Variants in FGF12 observed in about 807,000 individuals in gnomAD.
The protein encoded by FGF12 is fibroblast growth factor 12B.
Under a neutral mutation model 23.6 loss-of-function variants are expected in FGF12, and 14 were observed. The ratio of observed to expected loss-of-function variants is 0.59; its 90% confidence interval spans 0.39 to 0.93. The LOEUF is 0.93. FGF12 is among the 40% of genes least tolerant of loss of function. FGF12 has a pLI of 0.00. For missense variants in FGF12, 175 were observed against 217.8 expected (o/e 0.80, Z 1.24); for synonymous variants, 62 against 77.3 (o/e 0.80, Z 1.04).
At chr3:192,690,686 T>C (rs1454442807) in intron 2 of FGF12, among the ~76,000 whole-genome samples, 1 of 151,084 alleles carries the variant, frequency 6.6e-6, no homozygotes, top group African/African-American at 2.4e-5. Flanking sequence ...GAAATATCAA[T>C]AGTAAATCCT....
chr3:192,157,719 A>G (rs1030876871), intron 5 of FGF12, among the ~76,000 whole-genome samples: 2 of 152,218 alleles, frequency 1.3e-5, no homozygotes, highest in Non-Finnish European at 2.9e-5. Flanking sequence ...TCTTAAAAGT[A>G]TGAAAAAAGT....
At chr3:192,640,832 A>G (rs1443411904) in intron 2 of FGF12, among the ~76,000 whole-genome samples, 1 of 151,098 alleles carries the variant, frequency 6.6e-6, no homozygotes, top group African/African-American at 2.4e-5. Context: ...TGTTTGTGTG[A>G]GACAGGGTCT....
At chr3:192,282,219 A>G (rs1029063757) in intron 4 of FGF12, among the ~76,000 whole-genome samples, 1 of 152,174 alleles carries the variant, frequency 6.6e-6, no homozygotes, top group Non-Finnish European at 1.5e-5. Flanking sequence ...TCTTGCCAAT[A>G]TCTAGGTGAA....
intron 2 of FGF12, among the ~76,000 whole-genome samples, chr3:192,443,103 C>T (rs147419674): frequency 2.6e-5 from 4 of 152,032 alleles, no homozygotes; most frequent in East Asian, 1.9e-4. Flanking sequence ...TCACCGTGCC[C>T]GGCCGTGTCT....
At chr3:192,511,612 A>G (rs1268833879) in intron 2 of FGF12, among the ~76,000 whole-genome samples, 1 of 152,216 alleles carries the variant, frequency 6.6e-6, no homozygotes, top group African/African-American at 2.4e-5. Context: ...ATATTATCAG[A>G]TTAATACAAG....
intron 2 of FGF12, among the ~76,000 whole-genome samples, chr3:192,583,009 C>T (rs1713221466): frequency 6.6e-6 from 1 of 152,160 alleles, no homozygotes; most frequent in Non-Finnish European, 1.5e-5. Flanking sequence ...GAGATTTTAT[C>T]TGTTCCTCAA....
At chr3:192,401,069 ATTTG>A (rs1179807664) in intron 2 of FGF12, among the ~76,000 whole-genome samples, 3 of 152,380 alleles carry the variant, frequency 2.0e-5, no homozygotes, top group East Asian at 1.9e-4. Flanking sequence ...TCAAATAATT[ATTTG>A]TTTATTAAAA....
At chr3:192,726,228 G>C (rs1179420602) in intron 2 of FGF12, among the ~76,000 whole-genome samples, 1 of 152,100 alleles carries the variant, frequency 6.6e-6, no homozygotes, top group Admixed American at 6.6e-5. Context: ...TTCAAATATA[G>C]CTTCCCGAGT....
chr3:192,167,765 ATATAAAATTTTTTTT>A lies in FGF12; in HGVS notation c.427+2678_427+2692del, dbSNP rs1187058826. On this transcript the variant is annotated intron_variant, in intron 5 of 5. Coordinates refer to ENST00000445105, the MANE Select transcript of FGF12 (RefSeq NM_004113.6). ...TATATATATATATATATATATATAT[ATATAAAATTTTTTTT>A]TTTTTTTTTTTTTGAGAAAGAATCT... Among the ~76,000 whole-genome samples the A allele has an allele frequency of 9.0e-4, 29 of 32,374 alleles. 2 individuals carry two copies. Among genetic ancestry groups the A allele is most frequent in the East Asian group, 1.5e-3 (2 of 1,328 alleles). 21.2% of individuals were successfully genotyped at this position (32,374 alleles called of 152,430 possible).
intron 2 of FGF12, among the ~76,000 whole-genome samples, chr3:192,650,363 C>T (rs1308940913): frequency 1.3e-5 from 2 of 152,212 alleles, no homozygotes; most frequent in East Asian, 3.8e-4. Context: ...TTTCACATCT[C>T]CATGCCTTTG....
At chr3:192,549,158 C>T (rs1489953510) in intron 2 of FGF12, among the ~76,000 whole-genome samples, 2 of 152,134 alleles carry the variant, frequency 1.3e-5, no homozygotes, top group East Asian at 1.9e-4. Flanking sequence ...GATTTTAACT[C>T]CTAGTAGGCT....
chr3:192,707,106 A>G (rs1718496210), intron 2 of FGF12, among the ~76,000 whole-genome samples: 1 of 152,194 alleles, frequency 6.6e-6, no homozygotes, highest in Non-Finnish European at 1.5e-5. Context: ...GGAAACTGAA[A>G]CATCTCTAAC....
At chr3:192,481,069 T>A (rs1447727499) in intron 2 of FGF12, among the ~76,000 whole-genome samples, 1 of 152,144 alleles carries the variant, frequency 6.6e-6, no homozygotes, top group Non-Finnish European at 1.5e-5. Flanking sequence ...GAATTTAACC[T>A]CCCCTCAAAA....
chr3:192,610,407 G>T (rs1714508365), intron 2 of FGF12, among the ~76,000 whole-genome samples: 1 of 152,060 alleles, frequency 6.6e-6, no homozygotes, highest in Non-Finnish European at 1.5e-5. Flanking sequence ...GGAGGAAATT[G>T]TGTGTTCTCT....
At chr3:192,159,124 C>T (rs1372540124) in intron 5 of FGF12, among the ~76,000 whole-genome samples, 2 of 152,172 alleles carry the variant, frequency 1.3e-5, no homozygotes, top group East Asian at 1.9e-4. Context: ...AGCAGCAGTT[C>T]TCAAAAGAAC....
At chr3:192,427,044 TTTTTCCTGGGAC>T (rs1251754537) in intron 2 of FGF12, among the ~76,000 whole-genome samples, 1 of 152,156 alleles carries the variant, frequency 6.6e-6, no homozygotes, top group Non-Finnish European at 1.5e-5. Context: ...ATGCTAGCTT[TTTTTCCTGGGAC>T]TTTTCAATAA....
intron 2 of FGF12, among the ~76,000 whole-genome samples, chr3:192,711,039 T>C (rs568611737): frequency 1.3e-5 from 2 of 152,228 alleles, no homozygotes; most frequent in African/African-American, 4.8e-5. Flanking sequence ...GCCCCACCCA[T>C]GAACACAGAG....
At chr3:192,474,081 A>C (rs1309407988) in intron 2 of FGF12, among the ~76,000 whole-genome samples, 1 of 152,234 alleles carries the variant, frequency 6.6e-6, no homozygotes, top group Non-Finnish European at 1.5e-5. Flanking sequence ...AGGGCAAATT[A>C]TTGAAGACTG....
At chr3:192,385,917 A>G (rs1046370341) in intron 2 of FGF12, among the ~76,000 whole-genome samples, 2 of 152,202 alleles carry the variant, frequency 1.3e-5, no homozygotes, top group Admixed American at 6.5e-5. Flanking sequence ...AGACGTGGAC[A>G]TGCCTGGAGG....
Sources: allele counts gnomAD v4.1 joint callset (sites outside exome capture counted in the v4.1 genomes callset), GRCh38; gene constraint gnomAD v4.1.1; transcripts MANE v1.5; gene names NCBI Gene and HGNC (gene_info 2026-07-23, HGNC 2026-07-21).